Variants in KDM3A observed in about 807,000 individuals in gnomAD.
KDM3A encodes the protein lysine demethylase 3A.
Under a neutral mutation model 158.0 loss-of-function variants are expected in KDM3A, and 60 were observed. That is an observed-to-expected ratio of 0.38 (90% CI 0.31 to 0.47). KDM3A has a LOEUF of 0.47. KDM3A is among the 20% of genes least tolerant of loss of function. KDM3A has a pLI of 0.99. For missense variants in KDM3A, 1,319 were observed against 1,574.3 expected (o/e 0.84, Z 2.74); for synonymous variants, 608 against 549.3 (o/e 1.11, Z -1.49).
At chr2:86,438,405 A>G (rs551238950), upstream of KDM3A, among the ~76,000 whole-genome samples, 3 of 152,234 alleles carry the variant, frequency 2.0e-5, no homozygotes, top group African/African-American at 7.2e-5. Context: ...GACAGGAGGA[A>G]TAAGTTCAAA....
intron 23 of KDM3A, chr2:86,490,651 G>C: frequency 2.3e-6 from 1 of 442,364 alleles, no homozygotes. Context: ...AACTTATGCA[G>C]AGCCTGTCAG....
intron 16 of KDM3A, among the ~76,000 whole-genome samples, chr2:86,480,954 T>A (rs956020871): frequency 6.6e-6 from 1 of 152,156 alleles, no homozygotes; most frequent in Non-Finnish European, 1.5e-5. Context: ...GTATTACTGA[T>A]GAGGAAGCTG....
intron 14 of KDM3A, 102 bp from the exon 15 acceptor site, chr2:86,478,506 G>A: frequency 7.5e-7 from 1 of 1,335,670 alleles, no homozygotes; most frequent in Admixed American, 2.1e-5. Context: ...GGAGGGAGTG[G>A]GAAAAGTAAT....
chr2:86,466,268 TC>T, intron 9 of KDM3A, 103 bp from the exon 10 acceptor site: 1 of 1,214,502 alleles, frequency 8.2e-7, no homozygotes, highest in Non-Finnish European at 1.1e-6. Context: ...TTTTCTTTTT[TC>T]TTTCATACTC....
At chr2:86,467,022 T>A (rs1048114133) in intron 10 of KDM3A, 139 bp downstream of exon 10, 2 of 714,104 alleles carry the variant, frequency 2.8e-6, no homozygotes, top group Non-Finnish European at 4.4e-6. Flanking sequence ...AAAGAAGGTA[T>A]AATTCCCAAA....
Position 86,442,022 on chromosome 2 carries a change from G to A in KDM3A, c.-26G>A, listed in dbSNP as rs749133826. ...TTTGTTTTTGTGTTTTTGCAGGGAG[G>A]AGCTCTTCCTGCAGGCGTGGAAACC... is the stretch of plus-strand genomic sequence containing the variant. On this transcript the variant is annotated 5_prime_UTR_variant, in exon 2 of 26. Transcript: ENST00000312912. The A allele has an allele frequency of 6.2e-7, 1 of 1,612,802 alleles. No homozygotes were observed. Among genetic ancestry groups the A allele is most frequent in the South Asian group, 1.1e-5 (1 of 91,004 alleles).
Position 86,480,169 on chromosome 2 carries a change from T to G in KDM3A, c.2319T>G (p.Thr773=). The G allele has an allele frequency of 6.2e-7, 1 of 1,612,018 alleles. No homozygotes were observed. The highest frequency in any genetic ancestry group is 8.5e-7 in the Non-Finnish European group (1 of 1,179,494). ...TCGTCCTTTAATGCTTAACACAGAC[T>G]TCTTTAGCTGGAGAAAAACCGACTC... ...KPASKEDLKQ[T]SLAGEKPTLG... Residue 773 remains threonine, a splice_region_variant and synonymous_variant, in exon 16 of 26, where the codon ACT becomes ACG. Transcript: ENST00000312912.
chr2:86,482,348 G>T (rs1412547780), intron 17 of KDM3A, 110 bp from the exon 18 acceptor site: 2 of 1,523,204 alleles, frequency 1.3e-6, no homozygotes, highest in East Asian at 4.5e-5. Flanking sequence ...TTGCCTGGGG[G>T]TCCTGGCTTG....
At chr2:86,476,681 A>G (rs1673672769) in intron 12 of KDM3A, among the ~76,000 whole-genome samples, 2 of 152,240 alleles carry the variant, frequency 1.3e-5, no homozygotes, top group Admixed American at 6.5e-5. Flanking sequence ...GAAACAGTCT[A>G]ATCCAGGTGT....
intron 23 of KDM3A, chr2:86,490,072 T>C (rs967537682): frequency 1.3e-5 from 2 of 156,398 alleles, no homozygotes; most frequent in African/African-American, 4.8e-5. Context: ...TTGTCCACTG[T>C]CATGTAGCAA....
chr2:86,462,936 G>A (rs975384676), intron 8 of KDM3A, among the ~76,000 whole-genome samples: 2 of 151,908 alleles, frequency 1.3e-5, no homozygotes, highest in East Asian at 1.9e-4. Context: ...CTAAAAACAC[G>A]AAAAACTAGC....
chr2:86,460,674 G>A (rs1248250753), intron 8 of KDM3A: 5 of 152,178 alleles, frequency 3.3e-5, no homozygotes, highest in East Asian at 3.8e-4. Flanking sequence ...GAGTTACGAC[G>A]TTGCCTGGTT....
In KDM3A at chr2:86,464,053, G is replaced by A. The variant is rs750810664; in HGVS notation, c.844G>A (p.Ala282Thr). The change falls in exon 9 of 26, where the codon GCC becomes ACC. Residue 282 changes from alanine to threonine, a missense_variant and splice_region_variant. Ala to Thr is a moderately conservative substitution (Grantham distance 58). Transcript: ENST00000312912. ...VSKQAKSCSE[A>T]SPSMCPVQSV... ...TATCTGTTGGTTTGGTATCTTCTAGGCCTCTCCCAGTATGTGTCCTGTGCA... is the reference window on the plus strand; with the variant it reads ...TATCTGTTGGTTTGGTATCTTCTAGACCTCTCCCAGTATGTGTCCTGTGCA... 5.8e-6 allele frequency: 9 copies of A among 1,562,092 alleles called. No homozygotes were observed. The highest frequency in any genetic ancestry group is 1.8e-5 in the Admixed American group (1 of 54,542).
chr2:86,476,311 A>G (rs139554401), intron 12 of KDM3A, among the ~76,000 whole-genome samples: 50 of 151,972 alleles, frequency 3.3e-4, no homozygotes, highest in African/African-American at 1.0e-3. Context: ...TAAGCAAGTG[A>G]TGGCTTTTTC....
At chr2:86,488,995 G>A (rs935726815) in intron 21 of KDM3A, 1 of 257,384 alleles carries the variant, frequency 3.9e-6, no homozygotes, top group East Asian at 1.0e-4. Flanking sequence ...CTTGGGCTTT[G>A]TCTCTTGCCC....
rs1356374110 is a variant in KDM3A at position 86,478,136 on chromosome 2, T to C, written c.2093-34T>C. The C allele has an allele frequency of 3.7e-6, 6 of 1,608,712 alleles. No homozygotes were observed. The East Asian group carries it at 8.9e-5, about 24-fold the overall frequency. Reference sequence around the variant, plus strand: ...TTGAAGCATGTGGAGACAGAGTCTGTAAAGAACAGTTACTACAAATCAGTT... The same window carrying C: ...TTGAAGCATGTGGAGACAGAGTCTGCAAAGAACAGTTACTACAAATCAGTT... On this transcript the variant is annotated intron_variant, in intron 13 of 25. Coordinates refer to ENST00000312912, the MANE Select transcript of KDM3A (RefSeq NM_018433.6).
At chr2:86,483,775 A>C (rs1166355401) in intron 18 of KDM3A, 4 of 430,258 alleles carry the variant, frequency 9.3e-6, no homozygotes, top group East Asian at 4.0e-5. Flanking sequence ...TTACCCATGT[A>C]GTTTGAGAGC....
intron 16 of KDM3A, among the ~76,000 whole-genome samples, chr2:86,481,611 ATG>A (rs1351046264): frequency 2.6e-5 from 4 of 152,170 alleles, no homozygotes; most frequent in Non-Finnish European, 4.4e-5. Context: ...GGGAAAAAAA[ATG>A]TGTAAAGAGA....
intron 3 of KDM3A, among the ~76,000 whole-genome samples, chr2:86,450,776 G>A (rs1245671840): frequency 6.6e-6 from 1 of 152,038 alleles, no homozygotes; most frequent in Non-Finnish European, 1.5e-5. Context: ...TTTTCCAGCT[G>A]TTTAGAACTG....
Sources: allele counts gnomAD v4.1 joint callset (sites outside exome capture counted in the v4.1 genomes callset), GRCh38; gene constraint gnomAD v4.1.1; transcripts MANE v1.5; gene names NCBI Gene and HGNC (gene_info 2026-07-23, HGNC 2026-07-21).